RANBP2: variants seen among roughly 807,000 people sequenced by gnomAD.
The protein encoded by RANBP2 is E3 SUMO-protein ligase RanBP2.
In RANBP2, 57 loss-of-function variants were observed where a neutral mutation model predicts 303.6. The ratio of observed to expected loss-of-function variants is 0.19; its 90% CI spans 0.15 to 0.23. The LOEUF is 0.23. Among genes scored for constraint, RANBP2 ranks in the 10% least tolerant of loss-of-function variants. RANBP2 has a pLI of 1.00. For synonymous variants in RANBP2, 1,167 were observed against 1,301.5 expected (o/e 0.90, Z 2.23); for missense variants, 3,138 against 3,780.8 (o/e 0.83, Z 4.46).
chr2:109,210,523 A>G, the RANBP2 span, among the ~76,000 whole-genome samples: 1 of 152,176 alleles, frequency 6.6e-6, no homozygotes, highest in African/African-American at 2.4e-5. Context: ...CCAACCAGAC[A>G]ATGAGATGGG....
At chr2:109,127,201 G>A in the RANBP2 span, 1 of 152,166 alleles carries the variant, frequency 6.6e-6, no homozygotes, top group African/African-American at 2.4e-5. Flanking sequence ...AAAGTTTCCA[G>A]GGACTAGCAT....
the RANBP2 span, among the ~76,000 whole-genome samples, chr2:109,187,492 A>C: frequency 6.6e-6 from 1 of 152,188 alleles, no homozygotes; most frequent in South Asian, 2.1e-4. Flanking sequence ...TGATAAGATT[A>C]TATCTTTACT....
chr2:109,384,362 G>T, the RANBP2 span, among the ~76,000 whole-genome samples: 2 of 152,156 alleles, frequency 1.3e-5, no homozygotes, highest in Non-Finnish European at 2.9e-5. Context: ...GGAGGGAACT[G>T]CAGTTTTCCT....
chr2:109,434,477 C>T, the RANBP2 span, among the ~76,000 whole-genome samples: 1 of 152,230 alleles, frequency 6.6e-6, no homozygotes, highest in South Asian at 2.1e-4. Context: ...ATCGCCTGGC[C>T]GGGCAACTCC....
chr2:108,994,345 G>A, the RANBP2 span, among the ~76,000 whole-genome samples: 2 of 152,126 alleles, frequency 1.3e-5, no homozygotes, highest in Non-Finnish European at 2.9e-5. Flanking sequence ...GGTTTGAGAC[G>A]GCCCCCACCA....
the RANBP2 span, among the ~76,000 whole-genome samples, chr2:109,150,247 A>G: frequency 7.9e-5 from 12 of 152,154 alleles, no homozygotes; most frequent in East Asian, 2.3e-3. Context: ...AGCGGAGGGA[A>G]TGGCAAGCAT....
the RANBP2 span, among the ~76,000 whole-genome samples, chr2:109,408,626 T>A: frequency 6.6e-6 from 1 of 152,230 alleles, no homozygotes; most frequent in South Asian, 2.1e-4. Context: ...TCCCTCTCTG[T>A]ACAGGCAATG....
At chr2:109,589,084 G>A in the RANBP2 span, among the ~76,000 whole-genome samples, 2 of 152,080 alleles carry the variant, frequency 1.3e-5, no homozygotes, top group African/African-American at 2.4e-5. Context: ...GCGCCACCAC[G>A]CCTGGGTAAT....
At chr2:108,841,940 A>C in the RANBP2 span, among the ~76,000 whole-genome samples, 15 of 152,008 alleles carry the variant, frequency 9.9e-5, no homozygotes, top group African/African-American at 3.6e-4. Context: ...TTGGTATTAC[A>C]TTTGTTTTAA....
In RANBP2 at chr2:108,782,803, A is replaced by G. The variant is rs772255991; in HGVS notation, c.9310A>G (p.Lys3104Glu). 3.7e-6 allele frequency: 6 copies of G among 1,614,126 alleles called. No individual in the cohort carries two copies. The highest frequency in any genetic ancestry group is 1.3e-5 in the African/African-American group (1 of 75,032). Residue 3104 changes from lysine to glutamate, a missense_variant, in exon 28 of 29, where the codon AAA becomes GAA. Lys to Glu is a moderately conservative substitution (Grantham distance 56, BLOSUM62 1). This residue lies in a region of RANBP2 where 204 missense variants were observed against 228.4 expected (regional missense o/e 0.89). Transcript: ENST00000283195. ...CTTCAGAGCACTATGCACTGGAGAG[A>G]AAGGCTTTGGTTTCAAGAATTCCAT... ...ENFRALCTGE[K>E]GFGFKNSIFH...
chr2:109,452,303 A>T, the RANBP2 span, among the ~76,000 whole-genome samples: 1 of 152,066 alleles, frequency 6.6e-6, no homozygotes, highest in Non-Finnish European at 1.5e-5. Context: ...CCATGACTAC[A>T]CTAAACAGGC....
At chr2:108,933,014 G>C in the RANBP2 span, among the ~76,000 whole-genome samples, 1 of 152,108 alleles carries the variant, frequency 6.6e-6, no homozygotes, top group South Asian at 2.1e-4. Flanking sequence ...ATCCTGGCAG[G>C]GCCTTAAGAT....
chr2:109,763,463 A>G, the RANBP2 span, among the ~76,000 whole-genome samples: 1 of 150,290 alleles, frequency 6.7e-6, no homozygotes, highest in African/African-American at 2.4e-5. Flanking sequence ...GACAATTGCC[A>G]TTTTCTAGAG....
chr2:108,744,129 C>T (rs1285412509), intron 7 of RANBP2, among the ~76,000 whole-genome samples: 2 of 152,206 alleles, frequency 1.3e-5, no homozygotes, highest in African/African-American at 4.8e-5. Flanking sequence ...AATAGCCAGG[C>T]ACGGTGGCTC....
the RANBP2 span, among the ~76,000 whole-genome samples, chr2:109,682,601 A>G: frequency 0.041 from 6,216 of 152,192 alleles, 203 homozygotes; most frequent in South Asian, 0.16. Flanking sequence ...CCAAGGAGAA[A>G]AATTGTTCCC....
At chr2:109,629,533 C>T in the RANBP2 span, among the ~76,000 whole-genome samples, 10 of 151,404 alleles carry the variant, frequency 6.6e-5, no homozygotes, top group East Asian at 1.9e-4. Flanking sequence ...GTGTATGAGG[C>T]GAGGCACAAT....
chr2:108,842,153 G>C, the RANBP2 span, among the ~76,000 whole-genome samples: 4 of 151,498 alleles, frequency 2.6e-5, no homozygotes, highest in East Asian at 5.8e-4. Context: ...TCAGCCTCCT[G>C]TGTAGCTAGG....
the RANBP2 span, among the ~76,000 whole-genome samples, chr2:109,005,611 C>T: frequency 1.3e-5 from 2 of 152,184 alleles, no homozygotes; most frequent in African/African-American, 4.8e-5. Flanking sequence ...ACATACTGGT[C>T]TTTGCTATTA....
chr2:109,468,704 A>G, the RANBP2 span, among the ~76,000 whole-genome samples: 1 of 151,804 alleles, frequency 6.6e-6, no homozygotes, highest in African/African-American at 2.4e-5. Flanking sequence ...AAATAAAAAA[A>G]TGAGCCAGGC....
Sources: gnomAD v4.1 joint callset for allele counts (sites outside exome capture counted in the v4.1 genomes callset) on GRCh38, gnomAD v4.1.1 for gene constraint, gnomAD v4.1.1 regional missense constraint, MANE v1.5 for transcripts, NCBI Gene and HGNC (gene_info 2026-07-23, HGNC 2026-07-21) for gene names.